The following TLK1 variants were observed in gnomAD, a reference collection of about 807,000 sequenced individuals.
TLK1 encodes tousled like kinase 1.
Under a neutral mutation model 105.3 loss-of-function variants are expected in TLK1, and 24 were observed. The ratio of observed to expected loss-of-function variants is 0.23; its 90% CI spans 0.17 to 0.32. TLK1 has a LOEUF of 0.32. Among genes scored for constraint, TLK1 ranks in the 10% least tolerant of loss-of-function variants. The pLI is 1.00. For missense variants in TLK1, 558 were observed against 910.5 expected (o/e 0.61, Z 4.98); for synonymous variants, 321 against 310.4 (o/e 1.03, Z -0.36).
intron 1 of TLK1, among the ~76,000 whole-genome samples, chr2:171,144,343 G>A (rs1046394929): frequency 1.3e-5 from 2 of 152,076 alleles, no homozygotes; most frequent in African/African-American, 4.8e-5. Flanking sequence ...GCTAGAGAAC[G>A]TTCTGCCCAA....
At chr2:171,002,512 G>A (rs1575501920) in intron 18 of TLK1, among the ~76,000 whole-genome samples, 1 of 152,202 alleles carries the variant, frequency 6.6e-6, no homozygotes, top group South Asian at 2.1e-4. Context: ...CTGACCTCGT[G>A]ATCCACCTGC....
intron 3 of TLK1, among the ~76,000 whole-genome samples, chr2:171,069,567 G>C (rs118125008): frequency 6.6e-6 from 1 of 152,238 alleles, no homozygotes; most frequent in East Asian, 1.9e-4. Context: ...ACATTGCATA[G>C]GACAGGAACC....
intron 1 of TLK1, among the ~76,000 whole-genome samples, chr2:171,197,365 A>C (rs1312511719): frequency 6.6e-6 from 1 of 152,200 alleles, no homozygotes; most frequent in African/African-American, 2.4e-5. Context: ...TTACAAAAAA[A>C]CCCGAAAATA....
At chr2:171,195,501 C>CAAAAAA (rs55835853) in intron 1 of TLK1, among the ~76,000 whole-genome samples, 2 of 66,294 alleles carry the variant, frequency 3.0e-5, no homozygotes, top group African/African-American at 5.1e-5. Context: ...GACTCTGTCT[C>CAAAAAA]AAAAAAAAAA....
chr2:170,993,942 G>C lies in TLK1; in HGVS notation c.2139C>G (p.Arg713=). ...GATCTTCTTTTCGATATGCCAAACA[G>C]CGTCTTATAAATGCCTCAAAAAGAG... ...VSSEAKAFIR[R]CLAYRKEDRF... The change falls in exon 21 of 21, where the codon CGC becomes CGG. Residue 713 remains arginine, a synonymous_variant. Transcript: ENST00000431350. 1.2e-6 allele frequency: 2 copies of C among 1,605,406 alleles called. No homozygotes were observed. Among genetic ancestry groups the C allele is most frequent in the South Asian group, 2.2e-5 (2 of 89,170 alleles).
intron 1 of TLK1, among the ~76,000 whole-genome samples, chr2:171,197,698 G>C (rs149348886): frequency 1.3e-5 from 2 of 152,264 alleles, no homozygotes; most frequent in East Asian, 3.9e-4. Flanking sequence ...AGAATGGCTT[G>C]AACCCGGGAG....
intron 3 of TLK1, among the ~76,000 whole-genome samples, chr2:171,082,052 C>T (rs1286722942): frequency 1.3e-5 from 2 of 151,866 alleles, no homozygotes; most frequent in Non-Finnish European, 2.9e-5. Context: ...CACACACACA[C>T]ACACAAGTGA....
At chr2:171,098,361 C>CAT (rs1421315686) in intron 2 of TLK1, among the ~76,000 whole-genome samples, 1 of 152,110 alleles carries the variant, frequency 6.6e-6, no homozygotes. Flanking sequence ...ATACACCTCA[C>CAT]ATATATATAA....
chr2:171,098,043 C>T (rs1689525696), intron 2 of TLK1, among the ~76,000 whole-genome samples: 1 of 152,080 alleles, frequency 6.6e-6, no homozygotes, highest in South Asian at 2.1e-4. Context: ...CATGATCTCA[C>T]ATGTGAAATC....
chr2:171,114,601 G>A (rs1020802477), intron 2 of TLK1, among the ~76,000 whole-genome samples: 3 of 152,166 alleles, frequency 2.0e-5, no homozygotes, highest in Admixed American at 2.0e-4. Context: ...TTGGGAGGCC[G>A]AGGTGGGCAA....
chr2:171,094,588 G>A (rs1253444783), intron 2 of TLK1, among the ~76,000 whole-genome samples: 1 of 152,018 alleles, frequency 6.6e-6, no homozygotes, highest in Non-Finnish European at 1.5e-5. Flanking sequence ...ACACTGTAAG[G>A]GCAAGCAATA....
chr2:171,081,628 A>G, intron 3 of TLK1: 2 of 1,302,532 alleles, frequency 1.5e-6, no homozygotes, highest in Non-Finnish European at 2.0e-6. Flanking sequence ...TACAGGGGCT[A>G]CTAACGCTTA....
At chr2:171,097,698 G>A (rs1347995440) in intron 2 of TLK1, among the ~76,000 whole-genome samples, 7 of 152,208 alleles carry the variant, frequency 4.6e-5, no homozygotes, top group Admixed American at 4.6e-4. Flanking sequence ...GCTGAGGCAG[G>A]CGGATCATAT....
intron 1 of TLK1, among the ~76,000 whole-genome samples, chr2:171,194,425 G>A (rs1693220320): frequency 6.6e-6 from 1 of 152,162 alleles, no homozygotes. Context: ...CATTTATTAT[G>A]TATCTTTAAC....
rs1282481176 is a variant in TLK1, at chr2:171,186,919, G to A, written c.-6+44226C>T. 4.6e-5 allele frequency among the ~76,000 whole-genome samples: 7 copies of A among 151,730 alleles called. No individual in the cohort carries two copies. The South Asian group carries it at 6.3e-4, about 14-fold the overall frequency. ...CTAAAAATACAAAAATTGGCTGGGC[G>A]TGGTGGCGGTTGCCTGTAATCCCAG... On this transcript the variant is annotated intron_variant, in intron 1 of 20. Coordinates refer to the TLK1 transcript ENST00000521943.
chr2:171,167,823 A>G (rs1692637018), intron 1 of TLK1, among the ~76,000 whole-genome samples: 1 of 152,188 alleles, frequency 6.6e-6, no homozygotes, highest in Admixed American at 6.5e-5. Flanking sequence ...ACTAGAAGCT[A>G]TCCTCCAAGG....
At chr2:171,197,257 C>G (rs747736278) in intron 1 of TLK1, among the ~76,000 whole-genome samples, 2 of 151,936 alleles carry the variant, frequency 1.3e-5, no homozygotes, top group Non-Finnish European at 2.9e-5. Context: ...GACAGATAAT[C>G]TCTGAATATG....
chr2:171,063,399 T>C (rs1687847582), intron 3 of TLK1, among the ~76,000 whole-genome samples: 1 of 152,004 alleles, frequency 6.6e-6, no homozygotes, highest in South Asian at 2.1e-4. Context: ...CAAATAATAA[T>C]TTATTCATAT....
chr2:171,102,923 T>C (rs1297468606), intron 2 of TLK1, among the ~76,000 whole-genome samples: 2 of 151,912 alleles, frequency 1.3e-5, no homozygotes, highest in African/African-American at 2.4e-5. Flanking sequence ...GTATTACCTA[T>C]GGAATCAATA....
Sources: gnomAD v4.1 joint callset for allele counts (sites outside exome capture counted in the v4.1 genomes callset) on GRCh38, gnomAD v4.1.1 for gene constraint, MANE v1.5 for transcripts, NCBI Gene and HGNC (gene_info 2026-07-23, HGNC 2026-07-21) for gene names.